OPA1: variants seen among roughly 807,000 people sequenced by gnomAD.
The protein encoded by OPA1 is OPA1 mitochondrial dynamin like GTPase.
OPA1 carries 59 observed loss-of-function variants against 152.9 expected under a neutral mutation model. The observed-to-expected ratio is 0.39, with a 90% CI of 0.31 to 0.48. OPA1 has a LOEUF of 0.48. Among genes scored for constraint, OPA1 ranks in the 20% least tolerant of loss-of-function variants. The probability of loss-of-function intolerance (pLI) is 0.96; values close to 1 mark genes in which losing one functional copy is unlikely to be tolerated. For missense variants in OPA1, 1,008 were observed against 1,216.8 expected, an observed-to-expected ratio of 0.83 and a Z score of 2.55; for synonymous variants, 400 against 389.9, an observed-to-expected ratio of 1.03 and a Z score of -0.31.
At chr3:193,666,236 T>A in intron 27 of OPA1, 60 bp from the exon 28 acceptor site, 1 of 1,423,102 alleles carries the variant, frequency 7.0e-7, no homozygotes, top group South Asian at 1.1e-5. Flanking sequence ...TGTATGTGTT[T>A]ACGATGATAG....
chr3:193,606,238 T>A (rs2108817881), intron 1 of OPA1, among the ~76,000 whole-genome samples: 1 of 152,322 alleles, frequency 6.6e-6, no homozygotes, highest in African/African-American at 2.4e-5. Flanking sequence ...TATATAATTT[T>A]AAAAATATTT....
chr3:193,605,994 A>T (rs1727204676), intron 1 of OPA1, among the ~76,000 whole-genome samples: 1 of 152,182 alleles, frequency 6.6e-6, no homozygotes, highest in African/African-American at 2.4e-5. Context: ...ATGTTCCTTT[A>T]AAGGTATTAC....
At chr3:193,599,576 G>A (rs1453324436) in intron 1 of OPA1, among the ~76,000 whole-genome samples, 2 of 151,870 alleles carry the variant, frequency 1.3e-5, no homozygotes, top group Non-Finnish European at 2.9e-5. Flanking sequence ...TTCTTATCTG[G>A]GGCCACATGT....
intron 6 of OPA1, among the ~76,000 whole-genome samples, chr3:193,622,009 T>C (rs2108910117): frequency 6.6e-6 from 1 of 152,220 alleles, no homozygotes; most frequent in East Asian, 1.9e-4. Flanking sequence ...TTTTATTTTC[T>C]GTGCTTTTGT....
At chr3:193,690,151 C>T (rs908042935) in intron 29 of OPA1, among the ~76,000 whole-genome samples, 1 of 151,308 alleles carries the variant, frequency 6.6e-6, no homozygotes, top group African/African-American at 2.4e-5. Flanking sequence ...AGTCAGCCTA[C>T]CAAAAAATTG....
In OPA1 at chr3:193,685,504, A is replaced by G. The variant is rs865979478; in HGVS notation, c.2984-6559A>G. On this transcript the variant is annotated intron_variant, in intron 29 of 30. Coordinates refer to ENST00000361510, the MANE Select transcript of OPA1 (RefSeq NM_130837.3). ...GTTTAAGTCAGATCACTCAACTATG[A>G]ATGCATGAATATTCATGGACATCTA... Among the ~76,000 whole-genome samples, 21 of 152,294 alleles carry G rather than the reference A, an allele frequency of 1.4e-4. 1 individual carries two copies. In the South Asian group the frequency reaches 3.7e-3, roughly 27 times the overall value.
intron 10 of OPA1, 56 bp from the exon 11 acceptor site, chr3:193,637,896 T>C: frequency 7.3e-7 from 1 of 1,374,488 alleles, no homozygotes; most frequent in Non-Finnish European, 1.0e-6. Context: ...AAATAGGTTT[T>C]AATTTTAATT....
intron 16 of OPA1, among the ~76,000 whole-genome samples, chr3:193,644,927 A>G (rs1255954508): frequency 6.6e-6 from 1 of 152,156 alleles, no homozygotes; most frequent in Non-Finnish European, 1.5e-5. Flanking sequence ...AATGGGCTTC[A>G]GGGGGTAGAA....
intron 11 of OPA1, among the ~76,000 whole-genome samples, chr3:193,638,730 A>G (rs925015666): frequency 1.3e-5 from 2 of 152,118 alleles, no homozygotes; most frequent in Admixed American, 6.5e-5. Context: ...GGAATTCCGC[A>G]TTTTCTAGGA....
chr3:193,628,556 A>T (rs1731547201), intron 7 of OPA1: 1 of 152,164 alleles, frequency 6.6e-6, no homozygotes, highest in Non-Finnish European at 1.5e-5. Flanking sequence ...CATCAGTTTC[A>T]TAGCCCTGGA....
At chr3:193,615,646 C>T in intron 2 of OPA1, 28 bp from the exon 3 acceptor site, 1 of 1,246,830 alleles carries the variant, frequency 8.0e-7, no homozygotes, top group East Asian at 2.3e-5. Context: ...TGCAGAGCAT[C>T]TGATTGACAC....
At chr3:193,675,654 A>T (rs1291931837) in intron 29 of OPA1, among the ~76,000 whole-genome samples, 1 of 152,174 alleles carries the variant, frequency 6.6e-6, no homozygotes, top group Non-Finnish European at 1.5e-5. Context: ...GTGTTGTTTA[A>T]TTGAGCAGAA....
Position 193,593,288 on chromosome 3 carries a change from G to T in OPA1, c.-90G>T. 1 of 1,385,780 alleles carries T rather than the reference G, an allele frequency of 7.2e-7. No homozygotes were observed. The highest frequency in any genetic ancestry group is 9.7e-7 in the Non-Finnish European group (1 of 1,030,150). 85.8% of individuals were successfully genotyped at this position (1,385,780 alleles called of 1,614,324 possible). A position where few individuals can be genotyped will look rare whatever the true frequency, so the allele number is the denominator to read the frequency against. On this transcript the variant is annotated 5_prime_UTR_variant, in exon 1 of 31. Transcript: ENST00000361510. Reference sequence around the variant, plus strand: ...CCTTGCTGCTGAGGGCCACTTCCTGGGTCATTCCTGGACCGGGAGCCGGGC... The same window carrying T: ...CCTTGCTGCTGAGGGCCACTTCCTGTGTCATTCCTGGACCGGGAGCCGGGC...
chr3:193,691,207 T>C (rs960309534), intron 29 of OPA1, among the ~76,000 whole-genome samples: 1 of 152,196 alleles, frequency 6.6e-6, no homozygotes, highest in Admixed American at 6.5e-5. Flanking sequence ...GGCGACAGAG[T>C]AGGACCCCCA....
chr3:193,651,870 AATT>A (rs1454277455), intron 21 of OPA1, among the ~76,000 whole-genome samples: 1 of 151,952 alleles, frequency 6.6e-6, no homozygotes, highest in Non-Finnish European at 1.5e-5. Context: ...TATTGGTTGA[AATT>A]ATTATATGGA....
Position 193,615,733 on chromosome 3 carries a change from T to C in OPA1, c.411T>C (p.Pro137=). 1.2e-6 allele frequency: 2 copies of C among 1,612,196 alleles called. No individual in the cohort carries two copies. The change falls in exon 3 of 31, where the codon CCT becomes CCC. Residue 137 remains proline, a synonymous_variant. Transcript: ENST00000361510. ...TTAGTGAATATAAATGGATTGTGCC[T>C]GACATTGTGTGGGAAATTGATGAGT... ...PDLSEYKWIV[P]DIVWEIDEYI...
At chr3:193,685,404 TTTCTTTCTAAATTA>T (rs1409739888) in intron 29 of OPA1, among the ~76,000 whole-genome samples, 5 of 152,206 alleles carry the variant, frequency 3.3e-5, no homozygotes, top group African/African-American at 1.2e-4. Flanking sequence ...TTAAGGTTGC[TTTCTTTCTAAATTA>T]TACTTTATGG....
chr3:193,667,440 A>C, intron 29 of OPA1, 160 bp downstream of exon 29: 1 of 669,262 alleles, frequency 1.5e-6, no homozygotes, highest in East Asian at 3.0e-5. Flanking sequence ...GGAGGCCAAG[A>C]TGGGTGGAAA....
intron 29 of OPA1, among the ~76,000 whole-genome samples, chr3:193,688,152 C>G (rs927201497): frequency 2.6e-5 from 4 of 152,142 alleles, no homozygotes; most frequent in Non-Finnish European, 5.9e-5. Context: ...TTGAAAACCA[C>G]AGCCCTTATC....
Sources: allele counts gnomAD v4.1 joint callset (sites outside exome capture counted in the v4.1 genomes callset), GRCh38; gene constraint gnomAD v4.1.1; transcripts MANE v1.5; gene names NCBI Gene and HGNC (gene_info 2026-07-23, HGNC 2026-07-21).